Variants in FYB1 observed in about 807,000 individuals in gnomAD.
FYB1 encodes FYN binding protein 1, also known as FYN-binding protein 1.
A neutral mutation model predicts 94.1 loss-of-function variants in FYB1; 41 were observed. That is an observed-to-expected ratio of 0.44 (90% CI 0.34 to 0.57). The LOEUF (loss-of-function observed/expected upper bound fraction) is 0.57, where lower values mean the gene tolerates loss of function less well. FYB1 is among the 20% of genes least tolerant of loss of function. The pLI, the probability that FYB1 is intolerant of heterozygous loss-of-function variation, is 0.02. For synonymous variants in FYB1, 367 were observed against 353.2 expected (o/e 1.04, Z -0.44); for missense variants, 1,050 against 976.8 (o/e 1.07, Z -1.00).
chr5:39,198,217 C>A (rs1025339702), intron 2 of FYB1, among the ~76,000 whole-genome samples: 1 of 152,054 alleles, frequency 6.6e-6, no homozygotes, highest in Non-Finnish European at 1.5e-5. Context: ...AAGACATACA[C>A]GGAAAGAGGT....
At chr5:39,164,928 A>G (rs1014320451) in intron 2 of FYB1, among the ~76,000 whole-genome samples, 2 of 152,252 alleles carry the variant, frequency 1.3e-5, no homozygotes, top group African/African-American at 4.8e-5. Context: ...AGAATTGCCA[A>G]CAAAGAAGGC....
intron 16 of FYB1, among the ~76,000 whole-genome samples, chr5:39,117,831 T>C (rs1739715311): frequency 6.6e-6 from 1 of 152,208 alleles, no homozygotes; most frequent in Non-Finnish European, 1.5e-5. Flanking sequence ...GGGATTTAAA[T>C]ACGCTTTCTT....
rs781483487 is a variant in FYB1 at position 39,127,760 on chromosome 5, C to G, written c.1888G>C (p.Glu630Gln). The G allele has an allele frequency of 3.1e-6, 5 of 1,604,602 alleles. No homozygotes were observed. Among genetic ancestry groups the G allele is most frequent in the Non-Finnish European group, 3.4e-6 (4 of 1,175,330 alleles). Reference protein sequence around the residue: ...PDDDIYDGIEEEDADDGSTLQ... With the variant: ...PDDDIYDGIEQEDADDGSTLQ... ...TCTTACCCATCATCAGCATCTTCCT[C>G]TTCAATCCCATCATAAATGTCATCA... is the stretch of plus-strand genomic sequence containing the variant. The change falls in exon 11 of 19, where the codon GAG becomes CAG. Residue 630 changes from glutamate to glutamine, a missense_variant. By Grantham distance (29) the Glu-to-Gln change is conservative (BLOSUM62 2). Transcript: ENST00000512982.
Position 39,181,320 on chromosome 5 carries a change from C to T in FYB1, c.1135+20506G>A, listed in dbSNP as rs559633968. ...ATACTTATATACTGTAGCTACTAGT[C>T]GCCTGTGGCTATTGAATGTTTAAGA... On this transcript the variant is annotated intron_variant, in intron 2 of 18. Coordinates refer to ENST00000512982, the MANE Select transcript of FYB1 (RefSeq NM_001465.6). Among the ~76,000 whole-genome samples, 4 of 152,200 alleles carry T rather than the reference C, an allele frequency of 2.6e-5. No individual in the cohort carries two copies. The East Asian group carries it at 5.8e-4, about 22-fold the overall frequency.
rs1741772248 is a variant in FYB1, at chr5:39,137,497, T to C, written c.1515+103A>G. The C allele has an allele frequency of 8.5e-6, 11 of 1,293,070 alleles. No homozygotes were observed. The Admixed American group carries it at 1.1e-4, about 14-fold the overall frequency. 80.1% of individuals were successfully genotyped at this position (1,293,070 alleles called of 1,614,324 possible). On this transcript the variant is annotated intron_variant, in intron 7 of 18. Transcript: ENST00000512982. Reference sequence around the variant, plus strand: ...TAATTACTCTTTAGAGAATAATGAATAAGTAATTCTTCAACTATGTAAGTT... The same window carrying C: ...TAATTACTCTTTAGAGAATAATGAACAAGTAATTCTTCAACTATGTAAGTT...
chr5:39,122,448 A>T, intron 13 of FYB1, 46 bp from the exon 14 acceptor site: 1 of 1,104,482 alleles, frequency 9.1e-7, no homozygotes, highest in Admixed American at 2.0e-5. Flanking sequence ...GTTAGTTTAG[A>T]TTTTGATATG....
chr5:39,127,430 G>A lies in FYB1; in HGVS notation c.1907+311C>T, dbSNP rs187617557. Among the ~76,000 whole-genome samples the A allele has an allele frequency of 4.7e-3, 596 of 127,490 alleles. 7 individuals carry two copies. The highest frequency in any genetic ancestry group is 0.016 in the African/African-American group (522 of 32,292). The allele number at this position is 127,490 out of a possible 152,430, so 83.6% of individuals were successfully genotyped here. ...ACTGCCAGTGCACTCCAGCCTGGGC[G>A]ACAGAGTGAGACTCTGTCTCAAAAA... On this transcript the variant is annotated intron_variant, in intron 11 of 18. Coordinates refer to ENST00000512982, the MANE Select transcript of FYB1 (RefSeq NM_001465.6).
At chr5:39,262,525 G>A (rs138648346) in intron 1 of FYB1, among the ~76,000 whole-genome samples, 4 of 152,276 alleles carry the variant, frequency 2.6e-5, no homozygotes, top group Admixed American at 6.5e-5. Context: ...TAGAGAAATG[G>A]CAACTTTTGT....
intron 2 of FYB1, among the ~76,000 whole-genome samples, chr5:39,168,089 T>C (rs557389155): frequency 3.3e-5 from 5 of 152,376 alleles, no homozygotes; most frequent in Admixed American, 6.5e-5. Flanking sequence ...TGTGTAACTT[T>C]CTTACGGTGC....
intron 2 of FYB1, among the ~76,000 whole-genome samples, chr5:39,182,390 A>T (rs1746344653): frequency 6.6e-6 from 1 of 151,634 alleles, no homozygotes; most frequent in African/African-American, 2.4e-5. Context: ...GTTATGTCAA[A>T]TTTTGAGGAA....
chr5:39,176,907 T>C (rs971857301), intron 2 of FYB1, among the ~76,000 whole-genome samples: 6 of 152,172 alleles, frequency 3.9e-5, no homozygotes, highest in African/African-American at 9.7e-5. Flanking sequence ...TTCATCTTGA[T>C]AGGCAGGAGC....
chr5:39,123,324 T>A (rs1427026548), intron 13 of FYB1, among the ~76,000 whole-genome samples: 10 of 152,156 alleles, frequency 6.6e-5, no homozygotes, highest in Non-Finnish European at 1.5e-4. Context: ...GAAAAATAAA[T>A]ACTTTAAAAA....
chr5:39,153,873 T>A (rs1743490057), intron 2 of FYB1, among the ~76,000 whole-genome samples: 1 of 152,056 alleles, frequency 6.6e-6, no homozygotes, highest in Admixed American at 6.6e-5. Flanking sequence ...TCCTGGGCTT[T>A]CGAGATCTTC....
At chr5:39,150,664 C>A (rs1743170608) in intron 3 of FYB1, among the ~76,000 whole-genome samples, 1 of 152,156 alleles carries the variant, frequency 6.6e-6, no homozygotes. Flanking sequence ...ACACTGGAAC[C>A]ACCCATTCTA....
At position 39,107,312 on chromosome 5, in the gene FYB1, T is replaced by C. The variant is rs1010116557; in HGVS notation, c.*131A>G. On this transcript the variant is annotated 3_prime_UTR_variant, in exon 19 of 19. Transcript: ENST00000512982. The stretch of plus-strand genomic sequence containing the variant: ...AACTTTAAACACTTTGTAAAGATAA[T>C]TGGGATTTCATAACAAATGATAATA... The C allele has an allele frequency of 9.3e-6, 5 of 539,578 alleles. No homozygotes were observed. The highest frequency in any genetic ancestry group is 5.9e-5 in the African/African-American group (3 of 50,790). 33.4% of individuals were successfully genotyped at this position (539,578 alleles called of 1,614,324 possible). A position where few individuals can be genotyped will look rare whatever the true frequency, so the allele number is the denominator to read the frequency against.
intron 2 of FYB1, among the ~76,000 whole-genome samples, chr5:39,192,339 T>C (rs143282871): frequency 1.3e-5 from 2 of 152,362 alleles, no homozygotes; most frequent in African/African-American, 4.8e-5. Context: ...TTTTAGAGGT[T>C]ATATAATTTT....
chr5:39,148,154 TTTATATATATA>T (rs1561175288), intron 3 of FYB1, among the ~76,000 whole-genome samples: 6 of 41,924 alleles, frequency 1.4e-4, no homozygotes, highest in Admixed American at 6.4e-4. Flanking sequence ...ATATGTATTT[TTTATATATATA>T]TATATATATA....
At position 39,201,923 on chromosome 5, in the gene FYB1, T is replaced by A. The variant is rs766386324; in HGVS notation, c.1038A>T (p.Pro346=). The change falls in exon 2 of 19, where the codon CCA becomes CCT. Residue 346 remains proline, a synonymous_variant. Transcript: ENST00000512982. ...GACCCAAGGTAAACAAGGGAGGCAA[T>A]GGCTTCTGTTTCGGGGTGGCTGAAT... ...DKNSATPKQK[P]LPPLFTLGPP... 6.2e-7 allele frequency: 1 copy of A among 1,613,998 alleles called. No individual in the cohort carries two copies. Among genetic ancestry groups the A allele is most frequent in the South Asian group, 1.1e-5 (1 of 91,086 alleles).
rs561059157 is a variant in FYB1, at chr5:39,163,395, T to C, written c.1136-9791A>G. On this transcript the variant is annotated intron_variant, in intron 2 of 18. Coordinates refer to ENST00000512982, the MANE Select transcript of FYB1 (RefSeq NM_001465.6). The stretch of plus-strand genomic sequence containing the variant: ...CAATGTTTACATAGATAATCAAAGC[T>C]GAAATTAGAATGGAGGTGAAGAGGT... Among the ~76,000 whole-genome samples, 3 of 152,296 alleles carry C rather than the reference T, an allele frequency of 2.0e-5. No homozygotes were observed. In the South Asian group the frequency reaches 6.2e-4, roughly 32 times the overall value.
Sources: allele counts gnomAD v4.1 joint callset (sites outside exome capture counted in the v4.1 genomes callset), GRCh38; gene constraint gnomAD v4.1.1; transcripts MANE v1.5; gene names NCBI Gene and HGNC (gene_info 2026-07-23, HGNC 2026-07-21).